The following MERTK variants were observed in gnomAD, a reference collection of about 807,000 sequenced individuals.
MERTK encodes tyrosine-protein kinase Mer.
In MERTK, 69 loss-of-function variants were observed where a neutral mutation model predicts 99.3. The ratio of observed to expected loss-of-function variants is 0.70; its 90% CI spans 0.57 to 0.85. The LOEUF is 0.85. Ranked by LOEUF, MERTK falls within the 40% of genes least tolerant of loss-of-function variation. MERTK has a pLI of 0.00. For synonymous variants in MERTK, 426 were observed against 467.6 expected (o/e 0.91, Z 1.15); for missense variants, 1,125 against 1,249.4 (o/e 0.90, Z 1.50).
intron 1 of MERTK, among the ~76,000 whole-genome samples, chr2:111,911,531 G>A (rs186281598): frequency 6.6e-6 from 1 of 151,630 alleles, no homozygotes; most frequent in African/African-American, 2.4e-5. Flanking sequence ...TGGGATTACA[G>A]GTGCACACCA....
rs549415511 is a variant in MERTK at position 111,900,531 on chromosome 2, T to C, written c.61+1735T>C. Among the ~76,000 whole-genome samples, 4 of 152,344 alleles carry C rather than the reference T, an allele frequency of 2.6e-5. No homozygotes were observed. In the South Asian group the frequency reaches 6.2e-4, roughly 24 times the overall value. ...ACTATGGAGAAAGTAATGGGAACAA[T>C]AGTTTTGTGTTAAATACTTAAAAAT... On this transcript the variant is annotated intron_variant, in intron 1 of 18. Coordinates refer to ENST00000295408, the MANE Select transcript of MERTK (RefSeq NM_006343.3).
intron 4 of MERTK, among the ~76,000 whole-genome samples, chr2:111,964,447 G>A (rs1023995476): frequency 6.6e-6 from 1 of 151,900 alleles, no homozygotes; most frequent in African/African-American, 2.4e-5. Context: ...TGTTGTGTTT[G>A]TTTTATATTT....
chr2:112,028,649 T>C lies in MERTK; in HGVS notation c.2785T>C (p.Tyr929His). The change falls in exon 19 of 19, where the codon TAC becomes CAC. Residue 929 changes from tyrosine to histidine, a missense_variant. Tyr to His is a moderately conservative substitution (Grantham distance 83). Coordinates refer to ENST00000295408, the MANE Select transcript of MERTK (RefSeq NM_006343.3). ...TGACAGCAAACCTCATGAAGGACGG[T>C]ACATCCTGAATGGGGGCAGTGAGGA... The part of the protein sequence containing the change: ...VHDSKPHEGR[Y>H]ILNGGSEEWE... 6.2e-7 allele frequency: 1 copy of C among 1,614,188 alleles called. No homozygotes were observed. The highest frequency in any genetic ancestry group is 8.5e-7 in the Non-Finnish European group (1 of 1,180,032).
chr2:111,927,573 G>C (rs2104684642), intron 1 of MERTK, among the ~76,000 whole-genome samples: 1 of 152,324 alleles, frequency 6.6e-6, no homozygotes, highest in Non-Finnish European at 1.5e-5. Flanking sequence ...TCGGGAGGCT[G>C]AGGTAGGAGG....
chr2:111,987,737 A>G (rs988542245), intron 8 of MERTK, among the ~76,000 whole-genome samples: 10 of 152,216 alleles, frequency 6.6e-5, no homozygotes, highest in Non-Finnish European at 1.5e-4. Flanking sequence ...ACCACCTTGA[A>G]GGCCCACCAT....
At chr2:111,961,378 GC>G (rs1685247900) in intron 4 of MERTK, among the ~76,000 whole-genome samples, 1 of 151,662 alleles carries the variant, frequency 6.6e-6, no homozygotes, top group African/African-American at 2.4e-5. Context: ...ATCCAGGATG[GC>G]CTCAATCTCC....
At chr2:111,979,793 CT>C (rs773669973) in intron 7 of MERTK, among the ~76,000 whole-genome samples, 6 of 151,926 alleles carry the variant, frequency 3.9e-5, no homozygotes, top group Non-Finnish European at 7.4e-5. Context: ...TCATAAGAGT[CT>C]TTTCTGGATA....
At chr2:111,973,687 T>A (rs1214881104) in intron 6 of MERTK, among the ~76,000 whole-genome samples, 6 of 152,190 alleles carry the variant, frequency 3.9e-5, no homozygotes, top group African/African-American at 1.4e-4. Flanking sequence ...TTGTCTGTTC[T>A]GATTTTATAA....
chr2:111,980,905 T>C (rs1222440070), intron 7 of MERTK, among the ~76,000 whole-genome samples: 1 of 152,190 alleles, frequency 6.6e-6, no homozygotes, highest in African/African-American at 2.4e-5. Context: ...TCTCTTCTAC[T>C]GTTGACTCCT....
chr2:112,001,199 A>G lies in MERTK; in HGVS notation c.1605-2A>G, dbSNP rs730880273. On this transcript the variant is annotated splice_acceptor_variant, in intron 10 of 18. Coordinates refer to ENST00000295408, the MANE Select transcript of MERTK (RefSeq NM_006343.3). LOFTEE classifies it high-confidence loss of function. ...GAAGTATCTTTGTTTTCATTCACCC[A>G]GGAATGCATTCACAGAGGAGGATTC... 31 of 1,608,858 alleles carry G rather than the reference A, an allele frequency of 1.9e-5. No homozygotes were observed. Among genetic ancestry groups the G allele is most frequent in the Non-Finnish European group, 2.6e-5 (31 of 1,175,324 alleles).
chr2:111,940,590 G>T, intron 2 of MERTK: 1 of 647,070 alleles, frequency 1.5e-6, no homozygotes, highest in East Asian at 3.4e-5. Flanking sequence ...GCATTACCAG[G>T]CAATCATCAT....
Position 112,022,368 on chromosome 2 carries a change from G to A in MERTK, c.2460G>A (p.Lys820=). ...YDYLLHGHRL[K]QPEDCLDELY... ...ATCTTCTCCATGGCCACAGGTTGAA[G>A]CAGCCCGAAGACTGCCTGGATGAAC... The change falls in exon 18 of 19, where the codon AAG becomes AAA. Residue 820 remains lysine, a synonymous_variant. Coordinates refer to ENST00000295408, the MANE Select transcript of MERTK (RefSeq NM_006343.3). 6.2e-7 allele frequency: 1 copy of A among 1,614,238 alleles called. No individual in the cohort carries two copies. Among genetic ancestry groups the A allele is most frequent in the Non-Finnish European group, 8.5e-7 (1 of 1,180,052 alleles).
intron 4 of MERTK, among the ~76,000 whole-genome samples, chr2:111,960,488 AAAAAAAAAAAAAAG>A (rs1685228768): frequency 6.7e-6 from 1 of 149,970 alleles, no homozygotes; most frequent in African/African-American, 2.4e-5. Context: ...CTCAAAAAAA[AAAAAAAAAAAAAAG>A]AAAAGAAAAT....
chr2:111,987,690 C>G (rs557659852), intron 8 of MERTK, among the ~76,000 whole-genome samples: 1 of 152,192 alleles, frequency 6.6e-6, no homozygotes, highest in Non-Finnish European at 1.5e-5. Context: ...AAAAAGAGTT[C>G]AGTGAGCAAA....
intron 1 of MERTK, among the ~76,000 whole-genome samples, chr2:111,907,608 G>A (rs1684160223): frequency 6.6e-6 from 1 of 152,230 alleles, no homozygotes; most frequent in African/African-American, 2.4e-5. Context: ...AATCTTCTGA[G>A]AGACAGAGGG....
intron 18 of MERTK, among the ~76,000 whole-genome samples, chr2:112,023,185 C>A (rs367987423): frequency 1.3e-5 from 2 of 152,066 alleles, no homozygotes; most frequent in Admixed American, 1.3e-4. Flanking sequence ...GAGGCCGACG[C>A]GGGTGGATCA....
At chr2:111,944,128 G>A (rs1402469603) in intron 2 of MERTK, among the ~76,000 whole-genome samples, 1 of 151,946 alleles carries the variant, frequency 6.6e-6, no homozygotes, top group African/African-American at 2.4e-5. Flanking sequence ...GCAAATCCCT[G>A]TCTCTACTAA....
chr2:112,008,280 C>G, intron 13 of MERTK, 103 bp from the exon 14 acceptor site: 1 of 816,608 alleles, frequency 1.2e-6, no homozygotes, highest in Admixed American at 2.0e-5. Context: ...ATACTTTCAT[C>G]TCTTCCTGAC....
At chr2:111,925,163 T>C (rs1475873591) in intron 1 of MERTK, among the ~76,000 whole-genome samples, 1 of 151,066 alleles carries the variant, frequency 6.6e-6, no homozygotes, top group Non-Finnish European at 1.5e-5. Flanking sequence ...AGTCTCTTTC[T>C]TTATCCCATT....
Sources: gnomAD v4.1 joint callset for allele counts (sites outside exome capture counted in the v4.1 genomes callset) on GRCh38, gnomAD v4.1.1 for gene constraint, MANE v1.5 for transcripts, NCBI Gene and HGNC (gene_info 2026-07-23, HGNC 2026-07-21) for gene names.